Variants in NEDD9 observed in about 807,000 individuals in gnomAD.
NEDD9 encodes the protein enhancer of filamentation 1.
In NEDD9, 26 loss-of-function variants were observed where a neutral mutation model predicts 76.6. That is an observed-to-expected ratio of 0.34 (90% CI 0.25 to 0.47). The LOEUF is 0.47. NEDD9 is among the 20% of genes least tolerant of loss of function. NEDD9 has a pLI of 1.00. For synonymous variants in NEDD9, 392 were observed against 414.2 expected (o/e 0.95, Z 0.65); for missense variants, 937 against 1,058.5 (o/e 0.89, Z 1.59).
intron 3 of NEDD9, among the ~76,000 whole-genome samples, chr6:11,265,860 G>T (rs1380714734): frequency 6.6e-6 from 1 of 152,140 alleles, no homozygotes; most frequent in Non-Finnish European, 1.5e-5. Flanking sequence ...CCATAAAAAA[G>T]AATAAAATCA....
At chr6:11,236,548 G>A (rs72827163), upstream of NEDD9, among the ~76,000 whole-genome samples, 3,377 of 152,258 alleles carry the variant, frequency 0.022, 56 homozygotes, top group South Asian at 0.063. The surrounding 1 kb of genome is among the most constrained non-coding windows in gnomAD (Gnocchi z 5.5). Context: ...AATGACTTTG[G>A]AAATCACCTA....
chr6:11,312,520 A>C (rs533830230), intron 2 of NEDD9, among the ~76,000 whole-genome samples: 2 of 151,994 alleles, frequency 1.3e-5, no homozygotes, highest in Admixed American at 1.3e-4. Flanking sequence ...TCATCTCTCT[A>C]TAACCCTTTC....
At chr6:11,299,290 G>T (rs953501872) in intron 3 of NEDD9, among the ~76,000 whole-genome samples, 4 of 152,198 alleles carry the variant, frequency 2.6e-5, no homozygotes, top group African/African-American at 9.6e-5. Context: ...GGGGGGAGGG[G>T]CATCTGCCAT....
At chr6:11,358,897 G>T (rs566133645) in intron 1 of NEDD9, among the ~76,000 whole-genome samples, 39 of 152,330 alleles carry the variant, frequency 2.6e-4, no homozygotes, top group Non-Finnish European at 4.7e-4. Context: ...CAGCAAGAAT[G>T]AGAAAGGTAG....
At chr6:11,379,790 A>G (rs748776511) in intron 1 of NEDD9, among the ~76,000 whole-genome samples, 3 of 152,192 alleles carry the variant, frequency 2.0e-5, no homozygotes, top group Non-Finnish European at 2.9e-5. Flanking sequence ...CTAGCCTCAG[A>G]TCGACTTTCT....
rs375936866 is a variant in NEDD9, at chr6:11,302,971, T to A, written c.12+3021A>T. Among the ~76,000 whole-genome samples the A allele has an allele frequency of 7.9e-5, 12 of 152,270 alleles. No homozygotes were observed. The East Asian group carries it at 2.1e-3, about 27-fold the overall frequency. On this transcript the variant is annotated intron_variant, in intron 3 of 3. Coordinates refer to the NEDD9 transcript ENST00000397378. Reference sequence around the variant, plus strand: ...AAACCGGCACAAGACAGGGATGCCCTCTCTCACCACTCCTATTCAACATAG... The same window carrying A: ...AAACCGGCACAAGACAGGGATGCCCACTCTCACCACTCCTATTCAACATAG...
chr6:11,232,860 C>T (rs1381400894), upstream of NEDD9, among the ~76,000 whole-genome samples: 1 of 152,152 alleles, frequency 6.6e-6, no homozygotes, highest in Non-Finnish European at 1.5e-5. Flanking sequence ...AAGTGGGGAA[C>T]CGTCCTGAAC....
chr6:11,361,162 G>C (rs1762674374), intron 1 of NEDD9, among the ~76,000 whole-genome samples: 1 of 152,220 alleles, frequency 6.6e-6, no homozygotes, highest in Non-Finnish European at 1.5e-5. Flanking sequence ...CTAAAGGACA[G>C]CTGTGTGCTC....
At chr6:11,278,909 G>C (rs79673264) in intron 3 of NEDD9, among the ~76,000 whole-genome samples, 8,437 of 151,522 alleles carry the variant, frequency 0.056, 233 homozygotes, top group Middle Eastern at 0.14. Context: ...CTACACAAAG[G>C]GAGGATAAAG....
chr6:11,204,794 C>G (rs1758557734), intron 2 of NEDD9, among the ~76,000 whole-genome samples: 1 of 151,156 alleles, frequency 6.6e-6, no homozygotes. Context: ...GCAGAGAAAG[C>G]CAACATAGCA....
At chr6:11,292,929 T>C (rs1760807645) in intron 3 of NEDD9, among the ~76,000 whole-genome samples, 1 of 152,192 alleles carries the variant, frequency 6.6e-6, no homozygotes, top group Admixed American at 6.5e-5. Flanking sequence ...CCATGGAACT[T>C]GCTAAAATTA....
At chr6:11,283,201 G>T (rs1259041880) in intron 3 of NEDD9, among the ~76,000 whole-genome samples, 2 of 152,028 alleles carry the variant, frequency 1.3e-5, no homozygotes. Flanking sequence ...TAGCATTCCT[G>T]GCATTCTCCA....
intron 1 of NEDD9, 69 bp downstream of exon 1, chr6:11,232,435 A>C: frequency 6.3e-7 from 1 of 1,592,974 alleles, no homozygotes; most frequent in Non-Finnish European, 8.6e-7. Flanking sequence ...AGGAACACGC[A>C]TACACAAGCA....
At chr6:11,366,579 AAAGC>A (rs1277268787) in intron 1 of NEDD9, among the ~76,000 whole-genome samples, 3 of 152,222 alleles carry the variant, frequency 2.0e-5, no homozygotes, top group Non-Finnish European at 4.4e-5. Flanking sequence ...TGGCACTTTA[AAAGC>A]AATGTATGAG....
At chr6:11,302,420 T>C (rs4368799) in intron 3 of NEDD9, among the ~76,000 whole-genome samples, 86,495 of 151,976 alleles carry the variant, frequency 0.57, 25,308 homozygotes, top group East Asian at 0.8. Context: ...GATTCACAGC[T>C]GAATTCTACC....
intron 2 of NEDD9, among the ~76,000 whole-genome samples, chr6:11,207,011 G>A (rs934817023): frequency 2.6e-5 from 4 of 152,190 alleles, no homozygotes; most frequent in African/African-American, 4.8e-5. Context: ...ATGTAGAAAT[G>A]TACAATTCTG....
chr6:11,368,288 A>G (rs1224708497), intron 1 of NEDD9, among the ~76,000 whole-genome samples: 1 of 152,232 alleles, frequency 6.6e-6, no homozygotes, highest in Non-Finnish European at 1.5e-5. Flanking sequence ...AAATAAACAT[A>G]ATTTAATCTA....
Position 11,198,122 on chromosome 6 carries a change from C to T in NEDD9, c.460-4430G>A, listed in dbSNP as rs147611830. On this transcript the variant is annotated intron_variant, in intron 2 of 6. Transcript: ENST00000379446. This position sits in a 1 kb window ranked among gnomAD's most constrained non-coding sequence, Gnocchi z 4.7. ...TTCTACCGAAAGAGGGAAGACATTGCGCCCTGTGTTGCCAGATCTTTCACG... is the reference window on the plus strand; with the variant it reads ...TTCTACCGAAAGAGGGAAGACATTGTGCCCTGTGTTGCCAGATCTTTCACG... Among the ~76,000 whole-genome samples the T allele has an allele frequency of 2.6e-4, 40 of 152,292 alleles. No individual in the cohort carries two copies. The East Asian group carries it at 5.0e-3, about 19-fold the overall frequency.
At chr6:11,361,178 G>A (rs962101120) in intron 1 of NEDD9, among the ~76,000 whole-genome samples, 3 of 152,190 alleles carry the variant, frequency 2.0e-5, no homozygotes, top group Non-Finnish European at 4.4e-5. Context: ...TGCTCAGACA[G>A]CAGTGTCAGG....
Sources: allele counts gnomAD v4.1 joint callset (sites outside exome capture counted in the v4.1 genomes callset), GRCh38; gene constraint gnomAD v4.1.1; non-coding constraint Gnocchi (gnomAD v3.1); transcripts MANE v1.5; gene names NCBI Gene and HGNC (gene_info 2026-07-23, HGNC 2026-07-21).